Variants in DCLK1 observed in about 807,000 individuals in gnomAD.
DCLK1 encodes serine/threonine-protein kinase DCLK1.
A neutral mutation model predicts 86.2 loss-of-function variants in DCLK1; 16 were observed. The ratio of observed to expected loss-of-function variants is 0.19; its 90% CI spans 0.13 to 0.28. The LOEUF is 0.28. Among genes scored for constraint, DCLK1 ranks in the 10% least tolerant of loss-of-function variants. The pLI, the probability that DCLK1 is intolerant of heterozygous loss-of-function variation, is 1.00. For missense variants in DCLK1, 590 were observed against 940.2 expected, an observed-to-expected ratio of 0.63 and a Z score of 4.87; for synonymous variants, 369 against 370.5, an observed-to-expected ratio of 1.00 and a Z score of 0.05.
chr13:35,997,377 G>A (rs7998639), intron 3 of DCLK1, among the ~76,000 whole-genome samples: 13,855 of 152,190 alleles, frequency 0.091, 938 homozygotes, highest in African/African-American at 0.18. Flanking sequence ...GAAAATCATC[G>A]TAGAGCAGAA....
At chr13:35,830,783 A>G (rs1294359602) in intron 8 of DCLK1, among the ~76,000 whole-genome samples, 1 of 152,176 alleles carries the variant, frequency 6.6e-6, no homozygotes, top group Non-Finnish European at 1.5e-5. Context: ...CTGAAAAATA[A>G]AAGCTGCCGT....
chr13:35,861,877 C>A (rs1357881309), intron 5 of DCLK1, among the ~76,000 whole-genome samples: 4 of 149,920 alleles, frequency 2.7e-5, no homozygotes, highest in African/African-American at 9.8e-5. Context: ...AAAAAAAATA[C>A]AAAAAATTAG....
intron 2 of DCLK1, among the ~76,000 whole-genome samples, chr13:36,121,321 T>C (rs1885982872): frequency 6.6e-6 from 1 of 152,188 alleles, no homozygotes; most frequent in Non-Finnish European, 1.5e-5. Flanking sequence ...ACTTTATCCA[T>C]GGTTTCAGTT....
intron 4 of DCLK1, among the ~76,000 whole-genome samples, chr13:35,902,423 C>T (rs78321860): frequency 0.07 from 10,617 of 152,234 alleles, 433 homozygotes; most frequent in South Asian, 0.12. Context: ...CACCTCAAAT[C>T]AACTTTTCTG....
intron 3 of DCLK1, among the ~76,000 whole-genome samples, chr13:36,081,743 TC>T (rs1161310875): frequency 2.0e-5 from 3 of 152,206 alleles, no homozygotes; most frequent in African/African-American, 7.2e-5. Flanking sequence ...GAATATGCTC[TC>T]TAACTTCTTC....
At chr13:36,046,296 AATC>A (rs1247446101) in intron 3 of DCLK1, among the ~76,000 whole-genome samples, 4 of 152,224 alleles carry the variant, frequency 2.6e-5, no homozygotes, top group Non-Finnish European at 5.9e-5. Flanking sequence ...ATGGGTCTCT[AATC>A]ATCCAACAGC....
intron 16 of DCLK1, chr13:35,787,880 C>G: frequency 2.9e-6 from 1 of 346,464 alleles, no homozygotes; most frequent in Non-Finnish European, 5.5e-6. Context: ...TGTTAAGGGA[C>G]AGAAGAGCAC....
At chr13:35,956,105 T>C (rs1877962763) in intron 3 of DCLK1, among the ~76,000 whole-genome samples, 2 of 152,186 alleles carry the variant, frequency 1.3e-5, no homozygotes, top group Admixed American at 6.6e-5. Flanking sequence ...CTCTTTCACT[T>C]AAGGAATTAA....
intron 4 of DCLK1, among the ~76,000 whole-genome samples, chr13:35,913,001 C>G (rs976722656): frequency 1.3e-5 from 2 of 152,198 alleles, no homozygotes; most frequent in Non-Finnish European, 2.9e-5. Context: ...CTCCTTCCTG[C>G]AAAAGGTTGA....
chr13:35,858,240 C>T (rs1025596017), intron 5 of DCLK1, among the ~76,000 whole-genome samples: 5 of 151,958 alleles, frequency 3.3e-5, no homozygotes, highest in African/African-American at 1.2e-4. Flanking sequence ...TAAACGGAAA[C>T]GTTCCAGAGA....
At chr13:35,849,501 T>C (rs1870451968) in intron 6 of DCLK1, 3 of 983,788 alleles carry the variant, frequency 3.0e-6, no homozygotes, top group South Asian at 9.4e-5. Flanking sequence ...TAAAAGTAAA[T>C]GACCACTAGG....
At chr13:36,127,437 A>T (rs1886225560) in intron 1 of DCLK1, among the ~76,000 whole-genome samples, 1 of 152,166 alleles carries the variant, frequency 6.6e-6, no homozygotes, top group African/African-American at 2.4e-5. Context: ...GTCGATTTAC[A>T]CTTGACCCCA....
chr13:35,901,188 T>C (rs1874333870), intron 4 of DCLK1, among the ~76,000 whole-genome samples: 1 of 151,966 alleles, frequency 6.6e-6, no homozygotes, highest in Admixed American at 6.6e-5. Context: ...GAGACATAAG[T>C]AGAAAATGAC....
At chr13:35,789,998 T>C (rs892584433) in intron 16 of DCLK1, among the ~76,000 whole-genome samples, 1 of 152,114 alleles carries the variant, frequency 6.6e-6, no homozygotes, top group African/African-American at 2.4e-5. Context: ...TTCCACCTAA[T>C]CCCATGGCTT....
intron 4 of DCLK1, among the ~76,000 whole-genome samples, chr13:35,920,002 T>C (rs1875703136): frequency 6.6e-6 from 1 of 152,070 alleles, no homozygotes; most frequent in African/African-American, 2.4e-5. Flanking sequence ...GTAGCAATTT[T>C]CCCCTTCAAG....
rs1453914528 is a variant in DCLK1, at chr13:36,013,806, G to A, written c.724-66349C>T. On this transcript the variant is annotated intron_variant, in intron 3 of 16. Transcript: ENST00000360631. ...GTTTACCTAAGCAAGCCTGGGCAAT[G>A]GCGGGCGCCCCTCCCCCAGCCTCTC... Among the ~76,000 whole-genome samples the A allele has an allele frequency of 2.0e-5, 3 of 152,308 alleles. No individual in the cohort carries two copies. The East Asian group carries it at 5.8e-4, about 30-fold the overall frequency.
Position 35,842,228 on chromosome 13 carries a change from C to CAAAA in DCLK1, c.1036-3056_1036-3053dup, listed in dbSNP as rs35862851. Among the ~76,000 whole-genome samples, 87 of 35,108 alleles carry CAAAA rather than the reference C, an allele frequency of 2.5e-3. 10 individuals are homozygous for CAAAA. Among genetic ancestry groups the CAAAA allele is most frequent in the Admixed American group, 6.0e-3 (12 of 2,016 alleles). The allele number at this position is 35,108 out of a possible 152,430, so 23.0% of individuals were successfully genotyped here. A position where few individuals can be genotyped will look rare whatever the true frequency, so the allele number is the denominator to read the frequency against. ...TGGGCGACTGAGTGAGACTCCATCT[C>CAAAA]AAAAAAAAAAAAAAAAAAAAAAAAA... On this transcript the variant is annotated intron_variant, in intron 6 of 16. Transcript: ENST00000360631.
At chr13:36,045,901 G>A (rs1449408579) in intron 3 of DCLK1, among the ~76,000 whole-genome samples, 3 of 151,830 alleles carry the variant, frequency 2.0e-5, no homozygotes, top group Non-Finnish European at 4.4e-5. Context: ...GCTCAATAAA[G>A]GGTCCCAGTA....
intron 4 of DCLK1, among the ~76,000 whole-genome samples, chr13:35,886,275 T>G (rs980276934): frequency 6.6e-6 from 1 of 152,132 alleles, no homozygotes; most frequent in African/African-American, 2.4e-5. Context: ...CCTCCCAAAG[T>G]GCTGGGATTA....
Sources: gnomAD v4.1 joint callset for allele counts (sites outside exome capture counted in the v4.1 genomes callset) on GRCh38, gnomAD v4.1.1 for gene constraint, MANE v1.5 for transcripts, NCBI Gene and HGNC (gene_info 2026-07-23, HGNC 2026-07-21) for gene names.